SPAG16: variants seen among roughly 807,000 people sequenced by gnomAD.
SPAG16 encodes the protein sperm associated antigen 16, also known as sperm-associated antigen 16 protein.
Under a neutral mutation model 80.4 loss-of-function variants are expected in SPAG16, and 86 were observed. The observed-to-expected ratio is 1.07, with a 90% CI of 0.90 to 1.28. SPAG16 has a LOEUF of 1.28. Ranked by LOEUF, SPAG16 falls within the 50% of genes most tolerant of loss-of-function variation. The probability of loss-of-function intolerance (pLI) is 0.00; values close to 1 mark genes in which losing one functional copy is unlikely to be tolerated. For synonymous variants in SPAG16, 294 were observed against 265.9 expected (o/e 1.11, Z -1.03); for missense variants, 870 against 765.3 (o/e 1.14, Z -1.61).
intron 14 of SPAG16, among the ~76,000 whole-genome samples, chr2:214,111,911 T>C (rs532347140): frequency 6.6e-6 from 1 of 152,308 alleles, no homozygotes; most frequent in East Asian, 1.9e-4. Flanking sequence ...TCATTCATGA[T>C]TTGGTTTCCT....
intron 9 of SPAG16, among the ~76,000 whole-genome samples, chr2:213,390,162 A>G (rs543087373): frequency 6.6e-6 from 1 of 152,336 alleles, no homozygotes; most frequent in African/African-American, 2.4e-5. Flanking sequence ...GATTCCGTGT[A>G]TATGAGGTAC....
Position 214,217,149 on chromosome 2 carries a change from G to T in SPAG16, c.1720+67883G>T, listed in dbSNP as rs114955645. On this transcript the variant is annotated intron_variant, in intron 15 of 15. Coordinates refer to ENST00000331683, the MANE Select transcript of SPAG16 (RefSeq NM_024532.5). ...TTTTAGTTATTAAAAATTCAAAAAG[G>T]TTAACATTTTAGATATAAAAAGAGC... Among the ~76,000 whole-genome samples, 151 of 152,138 alleles carry T rather than the reference G, an allele frequency of 9.9e-4. 1 individual carries two copies. The highest frequency in any genetic ancestry group is 3.5e-3 in the African/African-American group (144 of 41,514).
chr2:213,492,988 T>C (rs1263077844), intron 10 of SPAG16, among the ~76,000 whole-genome samples: 1 of 152,210 alleles, frequency 6.6e-6, no homozygotes, highest in African/African-American at 2.4e-5. Flanking sequence ...CACATACATA[T>C]ACGAGACTCA....
chr2:213,769,899 G>T (rs938420831), intron 10 of SPAG16, among the ~76,000 whole-genome samples: 1 of 152,138 alleles, frequency 6.6e-6, no homozygotes, highest in African/African-American at 2.4e-5. Context: ...CACAAAGTGT[G>T]CCCAATAAGC....
chr2:213,501,015 G>C (rs186639353), intron 10 of SPAG16, among the ~76,000 whole-genome samples: 1 of 152,160 alleles, frequency 6.6e-6, no homozygotes, highest in African/African-American at 2.4e-5. Flanking sequence ...AGGGGAAAAA[G>C]TACCTGTATA....
rs751245282 is a variant in SPAG16 at position 214,013,983 on chromosome 2, C to T, written c.1433C>T (p.Thr478Ile). ...TGCAGATGTACTTTGTATGGACATA[C>T]AGATTCTGTGAACAGCATTGAGTTT... The part of the protein sequence containing the change: ...ERCRCTLYGH[T>I]DSVNSIEFFP... Residue 478 changes from threonine to isoleucine, a missense_variant, in exon 13 of 16, where the codon ACA (threonine) becomes ATA (isoleucine). Coordinates refer to ENST00000331683, the MANE Select transcript of SPAG16 (RefSeq NM_024532.5). 7 of 1,613,492 alleles carry T rather than the reference C, an allele frequency of 4.3e-6. No individual in the cohort carries two copies. The highest frequency in any genetic ancestry group is 2.2e-5 in the South Asian group (2 of 91,070).
At chr2:213,990,704 A>G (rs73987109) in intron 12 of SPAG16, among the ~76,000 whole-genome samples, 24,534 of 151,940 alleles carry the variant, frequency 0.16, 3,097 homozygotes, top group African/African-American at 0.36. Context: ...ACAGGAGGAG[A>G]TGGTCTTGTT....
chr2:214,011,404 A>G (rs1018477422), intron 12 of SPAG16, among the ~76,000 whole-genome samples: 4 of 148,682 alleles, frequency 2.7e-5, no homozygotes, highest in Admixed American at 1.3e-4. Flanking sequence ...AAACCCAAGT[A>G]TACTCGTAAA....
chr2:213,961,874 A>G (rs1298546898), intron 12 of SPAG16, among the ~76,000 whole-genome samples: 2 of 152,050 alleles, frequency 1.3e-5, no homozygotes, highest in Admixed American at 1.3e-4. Flanking sequence ...TGGTTTTGAT[A>G]TAAGTGTAAT....
At chr2:214,093,544 T>A (rs1199919563) in intron 13 of SPAG16, among the ~76,000 whole-genome samples, 1 of 152,032 alleles carries the variant, frequency 6.6e-6, no homozygotes, top group Non-Finnish European at 1.5e-5. Flanking sequence ...TGTCCATGTA[T>A]GTGTATGTAT....
intron 11 of SPAG16, among the ~76,000 whole-genome samples, chr2:213,903,528 T>C (rs900430623): frequency 3.5e-4 from 53 of 152,268 alleles, no homozygotes; most frequent in African/African-American, 1.2e-3. Flanking sequence ...GTCCCTAGAC[T>C]GCAAACAGCA....
At chr2:214,152,432 T>C (rs985097295) in intron 15 of SPAG16, among the ~76,000 whole-genome samples, 13 of 152,072 alleles carry the variant, frequency 8.5e-5, no homozygotes, top group Non-Finnish European at 1.8e-4. Context: ...TTTCTCCTCA[T>C]GGAAATAATG....
At chr2:213,366,063 A>C (rs2066265233) in intron 8 of SPAG16, among the ~76,000 whole-genome samples, 2 of 145,118 alleles carry the variant, frequency 1.4e-5, no homozygotes, top group South Asian at 2.3e-4. Context: ...AATGGTGTGA[A>C]CCCGGGAGGC....
intron 4 of SPAG16, among the ~76,000 whole-genome samples, chr2:213,312,794 T>C (rs1165301636): frequency 6.6e-6 from 1 of 151,840 alleles, no homozygotes; most frequent in Non-Finnish European, 1.5e-5. Context: ...GAAAGAAATA[T>C]TGCAGCTTTT....
intron 14 of SPAG16, among the ~76,000 whole-genome samples, chr2:214,128,966 A>C (rs1015931341): frequency 6.6e-6 from 1 of 151,642 alleles, no homozygotes. Flanking sequence ...GTGACCTCAA[A>C]TCTTGAAATT....
At chr2:213,546,334 G>C (rs1190194357) in intron 10 of SPAG16, among the ~76,000 whole-genome samples, 5 of 151,962 alleles carry the variant, frequency 3.3e-5, no homozygotes, top group African/African-American at 1.2e-4. Context: ...AGCAAGCATA[G>C]CATGTGTTAT....
At chr2:214,277,007 C>A (rs1199810799) in intron 15 of SPAG16, among the ~76,000 whole-genome samples, 1 of 152,008 alleles carries the variant, frequency 6.6e-6, no homozygotes, top group South Asian at 2.1e-4. Flanking sequence ...ACTCTGTTTT[C>A]TCTAAACTTC....
intron 15 of SPAG16, among the ~76,000 whole-genome samples, chr2:214,408,253 A>G (rs927141831): frequency 6.6e-6 from 1 of 152,080 alleles, no homozygotes; most frequent in Non-Finnish European, 1.5e-5. Flanking sequence ...GTTTGGTTTC[A>G]CAAATAGAAA....
intron 10 of SPAG16, among the ~76,000 whole-genome samples, chr2:213,796,885 A>G (rs2071069964): frequency 6.6e-6 from 1 of 151,770 alleles, no homozygotes; most frequent in Admixed American, 6.6e-5. Context: ...TCAGAAGAAG[A>G]TATGGTTATT....
Sources: allele counts gnomAD v4.1 joint callset (sites outside exome capture counted in the v4.1 genomes callset), GRCh38; gene constraint gnomAD v4.1.1; transcripts MANE v1.5; gene names NCBI Gene and HGNC (gene_info 2026-07-23, HGNC 2026-07-21).